Variants in SLC1A7 observed in about 807,000 individuals in gnomAD.
SLC1A7 encodes the protein excitatory amino acid transporter 5.
Under a neutral mutation model 47.7 loss-of-function variants are expected in SLC1A7, and 40 were observed. The ratio of observed to expected loss-of-function variants is 0.84; its 90% CI spans 0.65 to 1.09. The LOEUF (loss-of-function observed/expected upper bound fraction) is 1.09. Ranked by LOEUF, SLC1A7 falls within the 50% of genes least tolerant of loss-of-function variation. SLC1A7 has a pLI of 0.00. For synonymous variants in SLC1A7, 323 were observed against 325.6 expected (o/e 0.99, Z 0.09); for missense variants, 746 against 769.5 (o/e 0.97, Z 0.36).
rs757457107 is a variant in SLC1A7 at position 53,114,868 on chromosome 1, G to C, written c.321C>G (p.Gly107=). 7 of 1,614,054 alleles carry C rather than the reference G, an allele frequency of 4.3e-6. No homozygotes were observed. In the Admixed American group the frequency reaches 1.2e-4, roughly 27 times the overall value. The change falls in exon 3 of 11, where the codon GGC becomes GGG. Residue 107 remains glycine, a synonymous_variant. Coordinates refer to ENST00000371494, the MANE Select transcript of SLC1A7 (RefSeq NM_006671.6). ...LWTTFMAVIV[G]IFMVSIIHPG... ...GGTGGATGATGGAGACCATGAAGATGCCCACGATGACAGCCATGAAGGTGG... is the reference window on the plus strand; with the variant it reads ...GGTGGATGATGGAGACCATGAAGATCCCCACGATGACAGCCATGAAGGTGG...
At chr1:53,136,539 T>TATATA (rs1557693214) in intron 1 of SLC1A7, among the ~76,000 whole-genome samples, 2 of 52,324 alleles carry the variant, frequency 3.8e-5, no homozygotes, top group East Asian at 4.7e-4. Context: ...TATATAAACA[T>TATATA]ATATATAATA....
At chr1:53,129,458 GTGACAGATGAAGCCA>G (rs1557688765) in intron 2 of SLC1A7, among the ~76,000 whole-genome samples, 42 of 120,382 alleles carry the variant, frequency 3.5e-4, no homozygotes, top group Middle Eastern at 5.2e-3. Context: ...CCGCCACATT[GTGACAGATGAAGCCA>G]CCACTGGTCA....
chr1:53,105,867 G>T, intron 3 of SLC1A7, 93 bp from the exon 4 acceptor site: 2 of 1,014,422 alleles, frequency 2.0e-6, no homozygotes, highest in East Asian at 4.8e-5. Context: ...CATCTCCTTT[G>T]GTGGTCGGGC....
At chr1:53,116,736 C>G (rs898141544) in intron 2 of SLC1A7, among the ~76,000 whole-genome samples, 8 of 152,222 alleles carry the variant, frequency 5.3e-5, no homozygotes, top group African/African-American at 1.9e-4. Context: ...AAGCCATGTA[C>G]CCGAGAGCAG....
chr1:53,136,773 C>A (rs1645004997), intron 1 of SLC1A7, among the ~76,000 whole-genome samples: 2 of 149,596 alleles, frequency 1.3e-5, no homozygotes, highest in Admixed American at 1.3e-4. Context: ...CTCAAGTAAT[C>A]TTCACACCTC....
At chr1:53,126,324 G>A (rs2150340820) in intron 2 of SLC1A7, among the ~76,000 whole-genome samples, 1 of 152,274 alleles carries the variant, frequency 6.6e-6, no homozygotes, top group Admixed American at 6.5e-5. Context: ...GGAGTCTCCT[G>A]TCTCATTTAA....
intron 2 of SLC1A7, among the ~76,000 whole-genome samples, 166 bp downstream of exon 2, chr1:53,134,184 A>C (rs1286518186): frequency 6.6e-6 from 1 of 152,100 alleles, no homozygotes; most frequent in Non-Finnish European, 1.5e-5. Flanking sequence ...CCACTGAATG[A>C]CTCAGAAGCC....
Position 53,090,799 on chromosome 1 carries a change from T to A in SLC1A7, c.1039A>T (p.Thr347Ser). The A allele has an allele frequency of 3.1e-6, 5 of 1,611,242 alleles. No individual in the cohort carries two copies. The highest frequency in any genetic ancestry group is 3.4e-6 in the Non-Finnish European group (4 of 1,178,806). The change falls in exon 8 of 11, where the codon ACA (threonine) becomes TCA (serine). Residue 347 changes from threonine to serine, a missense_variant. Physicochemically the swap from Thr to Ser is moderately conservative, Grantham distance 58. Coordinates refer to ENST00000371494, the MANE Select transcript of SLC1A7 (RefSeq NM_006671.6). ...AGGCACTTGAAGGTGATGGGCAGTG[T>A]GGCTGAGCTACGGTTAGAGGGGCCG... ...IALATSSSSA[T>S]LPITFKCLLE...
chr1:53,090,122 A>AC (rs767726890), intron 8 of SLC1A7, 188 bp from the exon 9 acceptor site: 1 of 641,828 alleles, frequency 1.6e-6, no homozygotes, highest in Non-Finnish European at 2.8e-6. Context: ...AGCCCCATGG[A>AC]CCCCCATTCC....
intron 5 of SLC1A7, among the ~76,000 whole-genome samples, chr1:53,096,096 C>A (rs770304482): frequency 8.1e-5 from 12 of 148,134 alleles, no homozygotes; most frequent in East Asian, 2.1e-4. Context: ...ATGCTCACAC[C>A]CCCCCACCTC....
intron 2 of SLC1A7, among the ~76,000 whole-genome samples, chr1:53,120,669 C>T (rs1379594004): frequency 3.3e-5 from 5 of 152,238 alleles, no homozygotes; most frequent in African/African-American, 9.6e-5. Context: ...AGCCATCTCA[C>T]CCACTTCCCC....
At chr1:53,120,285 G>C (rs759435749) in intron 2 of SLC1A7, among the ~76,000 whole-genome samples, 2 of 152,152 alleles carry the variant, frequency 1.3e-5, no homozygotes, top group Non-Finnish European at 2.9e-5. Context: ...GGGCAGCTCT[G>C]CCATTTGCCA....
chr1:53,105,654 G>T, intron 4 of SLC1A7, 78 bp downstream of exon 4: 3 of 1,124,078 alleles, frequency 2.7e-6, no homozygotes, highest in Non-Finnish European at 4.1e-6. Context: ...TCACTTCCCA[G>T]CCATGCCACT....
At chr1:53,128,815 G>T (rs914504643) in intron 2 of SLC1A7, among the ~76,000 whole-genome samples, 2 of 142,576 alleles carry the variant, frequency 1.4e-5, no homozygotes, top group African/African-American at 5.2e-5. Flanking sequence ...AGTGACAGAG[G>T]TGGCCACGGG....
At chr1:53,135,869 T>C (rs1212328029) in intron 1 of SLC1A7, among the ~76,000 whole-genome samples, 1 of 149,790 alleles carries the variant, frequency 6.7e-6, no homozygotes, top group African/African-American at 2.5e-5. Context: ...AGTTGAATTG[T>C]TGTACTTGCA....
intron 2 of SLC1A7, among the ~76,000 whole-genome samples, chr1:53,131,143 C>T (rs1269871037): frequency 6.6e-6 from 1 of 152,094 alleles, no homozygotes; most frequent in African/African-American, 2.4e-5. Context: ...CATGCATTTC[C>T]AGCCAAGAGA....
Position 53,087,750 on chromosome 1 carries a change from C to G in SLC1A7, c.*259G>C, listed in dbSNP as rs549179347. The G allele has an allele frequency of 3.0e-6, 1 of 332,946 alleles. No individual in the cohort carries two copies. The highest frequency in any genetic ancestry group is 5.4e-6 in the Non-Finnish European group (1 of 183,572). The allele number at this position is 332,946 out of a possible 1,614,324, so 20.6% of individuals were successfully genotyped here. ...GATAACCCCTGCCTGCCGCCCTCAC[C>G]GGGCTCACACCGGGGAAACTGTCAC... On this transcript the variant is annotated 3_prime_UTR_variant, in exon 11 of 11. Transcript: ENST00000371494.
chr1:53,099,522 G>T (rs947509423), intron 5 of SLC1A7, among the ~76,000 whole-genome samples: 1 of 120,044 alleles, frequency 8.3e-6, no homozygotes, highest in African/African-American at 3.1e-5. Flanking sequence ...CACCACCTTG[G>T]TACACTCACA....
At chr1:53,106,203 G>A (rs1468946512) in intron 3 of SLC1A7, among the ~76,000 whole-genome samples, 2 of 152,034 alleles carry the variant, frequency 1.3e-5, no homozygotes, top group Admixed American at 6.6e-5. Flanking sequence ...TATAGTGGCC[G>A]CCTTGCAGGT....
Sources: allele counts gnomAD v4.1 joint callset (sites outside exome capture counted in the v4.1 genomes callset), GRCh38; gene constraint gnomAD v4.1.1; transcripts MANE v1.5; gene names NCBI Gene and HGNC (gene_info 2026-07-23, HGNC 2026-07-21).